The following THSD7B variants were observed in gnomAD, a reference collection of about 807,000 sequenced individuals.
The protein encoded by THSD7B is thrombospondin type 1 domain containing 7B.
Under a neutral mutation model 213.6 loss-of-function variants are expected in THSD7B, and 138 were observed. The ratio of observed to expected loss-of-function variants is 0.65; its 90% CI spans 0.56 to 0.74. The LOEUF (loss-of-function observed/expected upper bound fraction) is 0.74, where lower values mean the gene tolerates loss of function less well. THSD7B is among the 30% of genes least tolerant of loss of function. The pLI is 0.00. For synonymous variants in THSD7B, 742 were observed against 687.0 expected (o/e 1.08, Z -1.25); for missense variants, 1,931 against 1,991.5 (o/e 0.97, Z 0.58).
intron 1 of THSD7B, among the ~76,000 whole-genome samples, chr2:136,835,907 T>A (rs1402422485): frequency 6.6e-6 from 1 of 152,148 alleles, no homozygotes; most frequent in Non-Finnish European, 1.5e-5. Flanking sequence ...GACTGAGAAT[T>A]AATGTCTGTT....
At chr2:137,295,559 T>A (rs1185716965) in intron 12 of THSD7B, among the ~76,000 whole-genome samples, 1 of 151,820 alleles carries the variant, frequency 6.6e-6, no homozygotes, top group Non-Finnish European at 1.5e-5. Flanking sequence ...TACTGCAACC[T>A]CCTACTCCCT....
intron 2 of THSD7B, among the ~76,000 whole-genome samples, chr2:136,935,755 C>A (rs1573719934): frequency 6.6e-6 from 1 of 151,752 alleles, no homozygotes; most frequent in South Asian, 2.1e-4. Context: ...TTGGTAAGAA[C>A]CTGGAGAAAG....
At chr2:136,967,746 C>T (rs142089821) in intron 2 of THSD7B, among the ~76,000 whole-genome samples, 8 of 152,278 alleles carry the variant, frequency 5.3e-5, no homozygotes, top group Middle Eastern at 3.4e-3. Context: ...CCCTCTTACC[C>T]AGAGGAAAGC....
intron 13 of THSD7B, among the ~76,000 whole-genome samples, chr2:137,410,060 G>A (rs72847175): frequency 0.23 from 34,206 of 151,968 alleles, 4,009 homozygotes; most frequent in South Asian, 0.27. Context: ...TTTGAAAAAA[G>A]GGAGGTCTTG....
At chr2:136,810,303 C>T (rs1326904016) in intron 1 of THSD7B, among the ~76,000 whole-genome samples, 1 of 152,126 alleles carries the variant, frequency 6.6e-6, no homozygotes, top group Non-Finnish European at 1.5e-5. Context: ...AGATGGAAAA[C>T]AGACCTAGGT....
chr2:137,397,704 G>A (rs1212699249), intron 12 of THSD7B, among the ~76,000 whole-genome samples: 5 of 151,938 alleles, frequency 3.3e-5, no homozygotes, highest in African/African-American at 9.7e-5. Context: ...GAATCTGAAC[G>A]TTGGCCTGCC....
intron 15 of THSD7B, among the ~76,000 whole-genome samples, chr2:137,559,677 C>T (rs1681065977): frequency 6.6e-6 from 1 of 152,116 alleles, no homozygotes; most frequent in Non-Finnish European, 1.5e-5. Context: ...GTCTAAAATA[C>T]CAAAAGCAAT....
intron 17 of THSD7B, among the ~76,000 whole-genome samples, chr2:137,584,930 C>T (rs1681684163): frequency 6.6e-6 from 1 of 152,090 alleles, no homozygotes; most frequent in South Asian, 2.1e-4. Flanking sequence ...CCTCCTTGTA[C>T]CTCTGGTAGA....
At chr2:137,521,698 C>T (rs958959707) in intron 15 of THSD7B, among the ~76,000 whole-genome samples, 2 of 152,190 alleles carry the variant, frequency 1.3e-5, no homozygotes, top group African/African-American at 2.4e-5. Flanking sequence ...AGATCAGGGA[C>T]AGTAGAGGGG....
chr2:137,617,975 A>G (rs1682439361), intron 18 of THSD7B, among the ~76,000 whole-genome samples: 1 of 152,184 alleles, frequency 6.6e-6, no homozygotes, highest in South Asian at 2.1e-4. Context: ...GGATTTAAAT[A>G]TATGAATTTT....
chr2:137,149,784 C>A (rs1372355613), intron 5 of THSD7B, among the ~76,000 whole-genome samples: 1 of 152,176 alleles, frequency 6.6e-6, no homozygotes, highest in Non-Finnish European at 1.5e-5. Flanking sequence ...GCCTGTATCC[C>A]CATTGTATCT....
At chr2:137,375,265 A>T (rs937001818) in intron 12 of THSD7B, among the ~76,000 whole-genome samples, 1 of 152,114 alleles carries the variant, frequency 6.6e-6, no homozygotes, top group Non-Finnish European at 1.5e-5. Context: ...TACTTAGCTA[A>T]TTTTAACAGG....
intron 1 of THSD7B, among the ~76,000 whole-genome samples, chr2:136,775,258 T>A (rs1177365196): frequency 1.3e-5 from 2 of 152,136 alleles, no homozygotes; most frequent in Non-Finnish European, 2.9e-5. Context: ...AATTTACACA[T>A]GTGAATTAAA....
chr2:136,827,200 A>G (rs1463522157), intron 1 of THSD7B, among the ~76,000 whole-genome samples: 1 of 152,114 alleles, frequency 6.6e-6, no homozygotes, highest in African/African-American at 2.4e-5. Context: ...TTCTGACCCA[A>G]TTTTTCTGCG....
chr2:137,235,523 A>G (rs1034738008), intron 9 of THSD7B, among the ~76,000 whole-genome samples: 1 of 152,176 alleles, frequency 6.6e-6, no homozygotes, highest in Non-Finnish European at 1.5e-5. Flanking sequence ...TCGGACAGAA[A>G]AAGTTGAGTT....
At chr2:137,468,509 A>G (rs1008413276) in intron 15 of THSD7B, among the ~76,000 whole-genome samples, 3 of 151,550 alleles carry the variant, frequency 2.0e-5, no homozygotes, top group African/African-American at 7.3e-5. Context: ...TATCGCCATT[A>G]TGAGTCTCCA....
At chr2:137,439,757 T>G (rs2105051784) in intron 14 of THSD7B, among the ~76,000 whole-genome samples, 1 of 152,264 alleles carries the variant, frequency 6.6e-6, no homozygotes, top group East Asian at 1.9e-4. Context: ...AAAGGTACAG[T>G]TTTTTGGCAA....
intron 2 of THSD7B, among the ~76,000 whole-genome samples, chr2:136,889,386 T>C (rs1010759028): frequency 2.0e-5 from 3 of 152,190 alleles, no homozygotes; most frequent in African/African-American, 7.2e-5. Context: ...TGATAGATAT[T>C]AGATAGTTCC....
intron 14 of THSD7B, among the ~76,000 whole-genome samples, chr2:137,441,655 A>G (rs151202003): frequency 5.3e-5 from 8 of 152,240 alleles, no homozygotes; most frequent in South Asian, 2.1e-4. Flanking sequence ...AGTTCAAGTG[A>G]GAGATATTGA....
Sources: gnomAD v4.1 joint callset for allele counts (sites outside exome capture counted in the v4.1 genomes callset) on GRCh38, gnomAD v4.1.1 for gene constraint, MANE v1.5 for transcripts, NCBI Gene and HGNC (gene_info 2026-07-23, HGNC 2026-07-21) for gene names.